Variants in SMIM35 observed in about 807,000 individuals in gnomAD.
SMIM35 encodes small integral membrane protein 35, also known as TMPRSS4 antisense RNA 1 (non-protein coding).
Position 118,022,056 on chromosome 11 carries a change from A to T in SMIM35, c.8-6247T>A, listed in dbSNP as rs547984329. Among the ~76,000 whole-genome samples, 859 of 110,574 alleles carry T rather than the reference A, an allele frequency of 7.8e-3. 5 individuals are homozygous for T. Among genetic ancestry groups the T allele is most frequent in the Non-Finnish European group, 0.01 (605 of 57,968 alleles). The allele number at this position is 110,574 out of a possible 152,430, so 72.5% of individuals were successfully genotyped here. ...TCTTTTTTTTTTTTTTTTTTTTGAG[A>T]TGGAGATGGAGTTTTGCTCTGTCAC... On this transcript the variant is annotated intron_variant, in intron 1 of 4. Transcript: ENST00000689828.
intron 1 of SMIM35, among the ~76,000 whole-genome samples, chr11:118,045,228 C>T (rs1944078661): frequency 6.6e-6 from 1 of 152,046 alleles, no homozygotes; most frequent in South Asian, 2.1e-4. Flanking sequence ...AAGAATTCCT[C>T]CTTTGTTGCT....
intron 1 of SMIM35, among the ~76,000 whole-genome samples, chr11:118,079,165 G>T (rs553897051): frequency 2.0e-5 from 3 of 152,220 alleles, no homozygotes; most frequent in African/African-American, 7.2e-5. Flanking sequence ...GAAGTTTCTA[G>T]CCCCGGAGCT....
chr11:118,047,581 A>C (rs1226066738), intron 1 of SMIM35, among the ~76,000 whole-genome samples: 1 of 152,218 alleles, frequency 6.6e-6, no homozygotes, highest in African/African-American at 2.4e-5. Flanking sequence ...GCCATCTCAG[A>C]GGATCCCAGA....
At chr11:118,047,570 A>G (rs1944119571) in intron 1 of SMIM35, among the ~76,000 whole-genome samples, 1 of 152,232 alleles carries the variant, frequency 6.6e-6, no homozygotes, top group Non-Finnish European at 1.5e-5. Context: ...AGCCGGCCAC[A>G]GCCATCTCAG....
rs957458962 is a variant in SMIM35 at position 118,078,678 on chromosome 11, C to G, written c.7+8073G>C. Among the ~76,000 whole-genome samples the G allele has an allele frequency of 3.9e-5, 6 of 152,200 alleles. No homozygotes were observed. The East Asian group carries it at 9.7e-4, about 25-fold the overall frequency. Reference sequence around the variant, plus strand: ...GTGAGCTGCTTCTGGGTGGCAGGCACTGAGGAGACCTGGGGTGTCTCTTGG... The same window carrying G: ...GTGAGCTGCTTCTGGGTGGCAGGCAGTGAGGAGACCTGGGGTGTCTCTTGG... On this transcript the variant is annotated intron_variant, in intron 1 of 4. Transcript: ENST00000689828.
At chr11:118,085,044 A>G (rs10892208) in intron 1 of SMIM35, among the ~76,000 whole-genome samples, 53,414 of 151,932 alleles carry the variant, frequency 0.35, 9,895 homozygotes, top group South Asian at 0.52. Flanking sequence ...GGGGGCTTGC[A>G]AAGGTGCTGA....
chr11:118,016,484 G>A (rs550240107), intron 1 of SMIM35, among the ~76,000 whole-genome samples: 79 of 152,288 alleles, frequency 5.2e-4, no homozygotes, highest in African/African-American at 1.8e-3. Context: ...CACCTCTGCC[G>A]GGGCAGGGAA....
At chr11:118,025,979 A>G in intron 1 of SMIM35, 1 of 304,950 alleles carries the variant, frequency 3.3e-6, no homozygotes. Flanking sequence ...ATATGGTGAA[A>G]GTTAGGGGTC....
chr11:118,061,454 A>G (rs1190636940), intron 1 of SMIM35, among the ~76,000 whole-genome samples: 1 of 152,234 alleles, frequency 6.6e-6, no homozygotes, highest in African/African-American at 2.4e-5. Flanking sequence ...AAATTATTTC[A>G]GGGACTAGAG....
At chr11:118,036,627 G>T (rs1478944837) in intron 1 of SMIM35, among the ~76,000 whole-genome samples, 1 of 152,238 alleles carries the variant, frequency 6.6e-6, no homozygotes, top group African/African-American at 2.4e-5. Flanking sequence ...CCCTCCAGCT[G>T]CAGGGCAGTG....
intron 1 of SMIM35, among the ~76,000 whole-genome samples, chr11:118,052,593 C>G (rs1373401767): frequency 1.3e-5 from 2 of 152,122 alleles, no homozygotes; most frequent in African/African-American, 4.8e-5. Context: ...CCCTGGCTCC[C>G]ACATAGAATG....
rs1565391317 is a variant in SMIM35 at position 118,048,570 on chromosome 11, GAAGGAAGGAAGGAAGGAAGGAAGGAAGC to G, written c.8-32789_8-32762del. 8.3e-5 allele frequency among the ~76,000 whole-genome samples: 7 copies of G among 84,170 alleles called. No individual in the cohort carries two copies. In the South Asian group the frequency reaches 1.3e-3, roughly 16 times the overall value. 55.2% of individuals were successfully genotyped at this position (84,170 alleles called of 152,430 possible). A position where few individuals can be genotyped will look rare whatever the true frequency, so the allele number is the denominator to read the frequency against. On this transcript the variant is annotated intron_variant, in intron 1 of 4. Transcript: ENST00000689828. ...GGAAGGAAGGAAGGAAGGAAGGAAG[GAAGGAAGGAAGGAAGGAAGGAAGGAAGC>G]AAGGAAGCAAGGAAGCAAGGAAGGA...
intron 1 of SMIM35, among the ~76,000 whole-genome samples, chr11:118,016,825 C>A (rs181637129): frequency 1.3e-5 from 2 of 152,302 alleles, no homozygotes; most frequent in East Asian, 3.9e-4. Context: ...ATCTGACATA[C>A]ACTAAATGCT....
intron 4 of SMIM35, among the ~76,000 whole-genome samples, 185 bp from the exon 5 acceptor site, chr11:118,006,561 A>G (rs1369234933): frequency 6.6e-6 from 1 of 152,180 alleles, no homozygotes; most frequent in African/African-American, 2.4e-5. Flanking sequence ...GGTGCTCAAT[A>G]CTCAATAAAT....
intron 1 of SMIM35, among the ~76,000 whole-genome samples, chr11:118,026,419 T>G (rs1234871520): frequency 6.6e-6 from 1 of 152,236 alleles, no homozygotes; most frequent in African/African-American, 2.4e-5. Context: ...ATATCTCTAC[T>G]ATATGAATAA....
At chr11:118,012,790 G>C (rs2058157035) in intron 4 of SMIM35, among the ~76,000 whole-genome samples, 1 of 152,196 alleles carries the variant, frequency 6.6e-6, no homozygotes, top group African/African-American at 2.4e-5. Flanking sequence ...CCTCAGGTGG[G>C]AATGTTAAAA....
intron 1 of SMIM35, among the ~76,000 whole-genome samples, chr11:118,023,978 G>T (rs989561983): frequency 3.3e-5 from 5 of 150,788 alleles, no homozygotes; most frequent in African/African-American, 1.2e-4. Flanking sequence ...AGGTTGCACT[G>T]CACTTCAGCC....
chr11:118,019,206 T>C (rs1374369568), intron 1 of SMIM35, among the ~76,000 whole-genome samples: 1 of 152,170 alleles, frequency 6.6e-6, no homozygotes, highest in Non-Finnish European at 1.5e-5. Flanking sequence ...CTTCTGGCCA[T>C]GGTGGAATAA....
rs183877819 is a variant in SMIM35, at chr11:118,065,709, T to A, written c.7+21042A>T. ...ATCAATGGGAAACCTCTAGAGGGTA[T>A]TTAAGCCCCAGAAAATTCTGTACCC... On this transcript the variant is annotated intron_variant, in intron 1 of 4. Transcript: ENST00000689828. 2.4e-3 allele frequency among the ~76,000 whole-genome samples: 359 copies of A among 152,308 alleles called. 4 individuals carry two copies. Among genetic ancestry groups the A allele is most frequent in the African/African-American group, 7.9e-3 (327 of 41,558 alleles).
Sources: allele counts gnomAD v4.1 joint callset (sites outside exome capture counted in the v4.1 genomes callset), GRCh38; gene constraint gnomAD v4.1.1; transcripts MANE v1.5; gene names NCBI Gene and HGNC (gene_info 2026-07-23, HGNC 2026-07-21).